MKLN1: variants seen among roughly 807,000 people sequenced by gnomAD.
MKLN1 encodes muskelin 1.
Under a neutral mutation model 99.0 loss-of-function variants are expected in MKLN1, and 18 were observed. That is an observed-to-expected ratio of 0.18 (90% CI 0.13 to 0.27). The LOEUF is 0.27. Ranked by LOEUF, MKLN1 falls within the 10% of genes least tolerant of loss-of-function variation. The pLI is 1.00. For synonymous variants in MKLN1, 288 were observed against 293.2 expected (o/e 0.98, Z 0.18); for missense variants, 621 against 875.9 (o/e 0.71, Z 3.67).
chr7:131,489,936 C>T lies in MKLN1; in HGVS notation c.*2208C>T, dbSNP rs1421656587. 6.6e-6 allele frequency: 1 copy of T among 152,084 alleles called. No individual in the cohort carries two copies. Among genetic ancestry groups the T allele is most frequent in the Admixed American group, 6.6e-5 (1 of 15,228 alleles). 9.4% of individuals were successfully genotyped at this position (152,084 alleles called of 1,614,324 possible). A position where few individuals can be genotyped will look rare whatever the true frequency, so the allele number is the denominator to read the frequency against. ...TAAATGGGGTTGAATCATAGCGAGC[C>T]ATTTGCTCTTGCCAAAGTGAGATAG... On this transcript the variant is annotated 3_prime_UTR_variant, in exon 18 of 18. Coordinates refer to ENST00000352689, the MANE Select transcript of MKLN1 (RefSeq NM_013255.5).
chr7:131,300,409 G>C (rs76274777), intron 3 of MKLN1, among the ~76,000 whole-genome samples: 18,107 of 151,770 alleles, frequency 0.12, 1,225 homozygotes, highest in Middle Eastern at 0.19. Flanking sequence ...GGCTGGGGGT[G>C]GTGGCTTATG....
intron 10 of MKLN1, among the ~76,000 whole-genome samples, chr7:131,443,047 T>C (rs542801102): frequency 5.9e-5 from 9 of 152,278 alleles, no homozygotes; most frequent in African/African-American, 1.9e-4. Flanking sequence ...GAGAGGTGAA[T>C]TTAGCTTCAC....
intron 10 of MKLN1, 88 bp from the exon 11 acceptor site, chr7:131,443,393 G>C (rs1795900353): frequency 1.1e-6 from 1 of 923,368 alleles, no homozygotes; most frequent in South Asian, 1.5e-5. Context: ...GTTTTTTTGA[G>C]AATGTAAAAC....
At chr7:131,265,208 T>C (rs753479666) in intron 3 of MKLN1, among the ~76,000 whole-genome samples, 1 of 152,104 alleles carries the variant, frequency 6.6e-6, no homozygotes, top group African/African-American at 2.4e-5. Context: ...TTTGACGAAA[T>C]AATGCTTCAA....
intron 2 of MKLN1, among the ~76,000 whole-genome samples, chr7:131,378,955 T>G: frequency 1.4e-5 from 2 of 145,498 alleles, no homozygotes. Context: ...ACAGAAGAAG[T>G]CCCCACCTCC....
intron 2 of MKLN1, among the ~76,000 whole-genome samples, chr7:131,185,157 A>C (rs1796430359): frequency 6.6e-6 from 1 of 152,156 alleles, no homozygotes; most frequent in African/African-American, 2.4e-5. Flanking sequence ...CAATGCCACT[A>C]CCAATATCAC....
intron 1 of MKLN1, among the ~76,000 whole-genome samples, chr7:131,364,847 A>G (rs536612044): frequency 2.6e-5 from 4 of 152,160 alleles, no homozygotes; most frequent in Non-Finnish European, 4.4e-5. Context: ...TTCTTTATCT[A>G]ATCTGTCACT....
intron 6 of MKLN1, among the ~76,000 whole-genome samples, chr7:131,407,166 T>A (rs1162188429): frequency 6.6e-6 from 1 of 152,048 alleles, no homozygotes; most frequent in Non-Finnish European, 1.5e-5. Flanking sequence ...TCTGTGATAT[T>A]TTCAATTTTT....
chr7:131,462,805 TA>T (rs1204699311), intron 12 of MKLN1, among the ~76,000 whole-genome samples: 1 of 152,106 alleles, frequency 6.6e-6, no homozygotes, highest in Non-Finnish European at 1.5e-5. Flanking sequence ...TAAAGCAGAA[TA>T]AAGGTGTATT....
At chr7:131,190,700 A>G (rs919523935) in intron 2 of MKLN1, among the ~76,000 whole-genome samples, 1 of 152,160 alleles carries the variant, frequency 6.6e-6, no homozygotes, top group Admixed American at 6.5e-5. Flanking sequence ...TGTGCTATCT[A>G]CTTGTGTGAC....
intron 1 of MKLN1, among the ~76,000 whole-genome samples, chr7:131,336,672 T>A (rs1274650693): frequency 6.6e-6 from 1 of 152,134 alleles, no homozygotes; most frequent in Non-Finnish European, 1.5e-5. Flanking sequence ...TTCATTAGGA[T>A]TTTGAAAAAC....
chr7:131,237,989 G>A (rs1584858551), intron 3 of MKLN1, among the ~76,000 whole-genome samples: 1 of 151,994 alleles, frequency 6.6e-6, no homozygotes, highest in Non-Finnish European at 1.5e-5. Context: ...TCTACTAAAA[G>A]TACAAAAATT....
chr7:131,235,145 A>T (rs142776639), intron 3 of MKLN1, among the ~76,000 whole-genome samples: 1 of 152,158 alleles, frequency 6.6e-6, no homozygotes, highest in African/African-American at 2.4e-5. Context: ...ATACAAAAAG[A>T]CGTAGCTAGA....
At chr7:131,218,589 T>C (rs530362401) in intron 3 of MKLN1, among the ~76,000 whole-genome samples, 22 of 152,346 alleles carry the variant, frequency 1.4e-4, no homozygotes, top group African/African-American at 5.0e-4. Flanking sequence ...TTCACTGTCG[T>C]AATTTTTGTA....
At chr7:131,116,805 T>G (rs1795284833) in intron 1 of MKLN1, among the ~76,000 whole-genome samples, 1 of 152,088 alleles carries the variant, frequency 6.6e-6, no homozygotes, top group Non-Finnish European at 1.5e-5. Flanking sequence ...ACAACTGCAG[T>G]GACATCTATT....
At chr7:131,185,501 C>T (rs78932966) in intron 2 of MKLN1, among the ~76,000 whole-genome samples, 4 of 151,828 alleles carry the variant, frequency 2.6e-5, no homozygotes, top group South Asian at 2.1e-4. Context: ...GCTGGAGAAT[C>T]GCTTGAACCT....
chr7:131,192,078 CATATATATTATATATAT>C (rs1563247042), intron 2 of MKLN1, among the ~76,000 whole-genome samples: 4 of 84,086 alleles, frequency 4.8e-5, no homozygotes, highest in African/African-American at 1.6e-4. Context: ...TATATATATA[CATATATATTATATATAT>C]ATGTATATAT....
At chr7:131,371,832 C>G (rs116512018) in intron 1 of MKLN1, among the ~76,000 whole-genome samples, 1 of 151,312 alleles carries the variant, frequency 6.6e-6, no homozygotes, top group Non-Finnish European at 1.5e-5. Context: ...TTTTTAGAAT[C>G]AATTTCTTCT....
At chr7:131,130,918 G>A (rs1795539592) in intron 1 of MKLN1, among the ~76,000 whole-genome samples, 1 of 151,792 alleles carries the variant, frequency 6.6e-6, no homozygotes, top group South Asian at 2.1e-4. Context: ...TGGGTATGGT[G>A]GCATGCAAGT....
Sources: gnomAD v4.1 joint callset for allele counts (sites outside exome capture counted in the v4.1 genomes callset) on GRCh38, gnomAD v4.1.1 for gene constraint, MANE v1.5 for transcripts, NCBI Gene and HGNC (gene_info 2026-07-23, HGNC 2026-07-21) for gene names.